The following ADAMTS17 variants were observed in gnomAD, a reference collection of about 807,000 sequenced individuals.
ADAMTS17 encodes the protein A disintegrin and metalloproteinase with thrombospondin motifs 17.
Under a neutral mutation model 141.5 loss-of-function variants are expected in ADAMTS17, and 113 were observed. That is an observed-to-expected ratio of 0.80 (90% CI 0.69 to 0.93). The LOEUF (loss-of-function observed/expected upper bound fraction) is 0.93. Among genes scored for constraint, ADAMTS17 ranks in the 40% least tolerant of loss-of-function variants. ADAMTS17 has a pLI of 0.00. For missense variants in ADAMTS17, 1,659 were observed against 1,517.9 expected (o/e 1.09, Z -1.54); for synonymous variants, 768 against 630.6 (o/e 1.22, Z -3.27).
intron 3 of ADAMTS17, among the ~76,000 whole-genome samples, chr15:100,282,060 T>A (rs973845253): frequency 1.3e-5 from 2 of 152,216 alleles, no homozygotes. Flanking sequence ...CCTATATCCC[T>A]GTAAAATCTT....
At chr15:100,021,692 A>G (rs2061409652) in intron 18 of ADAMTS17, among the ~76,000 whole-genome samples, 1 of 152,198 alleles carries the variant, frequency 6.6e-6, no homozygotes, top group Admixed American at 6.5e-5. Context: ...TCAGGAATAT[A>G]TGCAGAGAAA....
At chr15:100,033,657 A>T (rs1315476124) in intron 18 of ADAMTS17, among the ~76,000 whole-genome samples, 1 of 152,220 alleles carries the variant, frequency 6.6e-6, no homozygotes, top group Non-Finnish European at 1.5e-5. Context: ...GAGCTGAGAA[A>T]GACTGATAAG....
At chr15:100,045,202 C>G (rs1471443304) in intron 18 of ADAMTS17, among the ~76,000 whole-genome samples, 1 of 151,892 alleles carries the variant, frequency 6.6e-6, no homozygotes, top group African/African-American at 2.4e-5. Context: ...CAAATATAAT[C>G]ATTTGGGACG....
At chr15:100,117,782 C>A (rs2037231534) in intron 12 of ADAMTS17, among the ~76,000 whole-genome samples, 1 of 152,214 alleles carries the variant, frequency 6.6e-6, no homozygotes, top group South Asian at 2.1e-4. Context: ...CCATTCGTTT[C>A]CATGATGCCA....
chr15:100,217,043 T>C (rs968500803), intron 7 of ADAMTS17, among the ~76,000 whole-genome samples: 3 of 152,196 alleles, frequency 2.0e-5, no homozygotes, highest in Non-Finnish European at 4.4e-5. Context: ...GAAGAGTTGA[T>C]ATTAAATTTA....
intron 8 of ADAMTS17, among the ~76,000 whole-genome samples, chr15:100,195,865 T>C (rs2041096894): frequency 6.6e-6 from 1 of 152,230 alleles, no homozygotes; most frequent in Admixed American, 6.5e-5. Flanking sequence ...AATGGGCCTA[T>C]TGCAGCATGT....
At chr15:100,167,302 A>T (rs769719329) in intron 8 of ADAMTS17, among the ~76,000 whole-genome samples, 3 of 152,186 alleles carry the variant, frequency 2.0e-5, no homozygotes, top group Non-Finnish European at 4.4e-5. Context: ...GCTGGAGAAC[A>T]ATTAGTGGCC....
intron 18 of ADAMTS17, among the ~76,000 whole-genome samples, chr15:100,005,966 C>T (rs939098055): frequency 8.5e-5 from 13 of 152,076 alleles, no homozygotes; most frequent in African/African-American, 2.7e-4. Flanking sequence ...CCAGCCCCAG[C>T]CCCAGCCCCA....
intron 3 of ADAMTS17, among the ~76,000 whole-genome samples, chr15:100,318,998 C>T (rs1482046026): frequency 6.6e-6 from 1 of 152,266 alleles, no homozygotes; most frequent in Non-Finnish European, 1.5e-5. Flanking sequence ...ACAAGTAGAT[C>T]ATCCTGTGCT....
intron 10 of ADAMTS17, among the ~76,000 whole-genome samples, chr15:100,147,906 GTCAATA>G (rs1416221008): frequency 2.6e-4 from 39 of 152,362 alleles, no homozygotes; most frequent in Non-Finnish European, 5.1e-4. Context: ...AAGCCAAGGT[GTCAATA>G]GGGCTGGTTC....
intron 3 of ADAMTS17, among the ~76,000 whole-genome samples, chr15:100,303,826 G>A (rs993648187): frequency 2.0e-5 from 3 of 152,248 alleles, no homozygotes; most frequent in East Asian, 1.9e-4. Flanking sequence ...AGGTTCAAGC[G>A]ATTCTTCTGC....
chr15:100,051,601 C>T lies in ADAMTS17; in HGVS notation c.2426G>A (p.Trp809Ter). 1.9e-6 allele frequency: 3 copies of T among 1,614,046 alleles called. No homozygotes were observed. Among genetic ancestry groups the T allele is most frequent in the Non-Finnish European group, 1.7e-6 (2 of 1,179,974 alleles). ...DSLFIWTHSG[W>*]EGCSVQCGGG... The stretch of plus-strand genomic sequence containing the variant: ...GCCGCACTGCACACTGCACCCTTCC[C>T]AGCCGCTGTGGGTCCAGATGAACAA... The change falls in exon 17 of 22, where the codon TGG (tryptophan) becomes TAG (stop). Residue 809 changes from tryptophan (W) to a stop codon, truncating the protein, a stop_gained. Coordinates refer to ENST00000268070, the MANE Select transcript of ADAMTS17 (RefSeq NM_139057.4). LOFTEE classifies it high-confidence loss of function.
At chr15:100,050,451 G>A (rs754140299) in intron 17 of ADAMTS17, among the ~76,000 whole-genome samples, 1 of 152,182 alleles carries the variant, frequency 6.6e-6, no homozygotes, top group Non-Finnish European at 1.5e-5. Flanking sequence ...GGTGCAGAGT[G>A]GAGGATGCAG....
intron 18 of ADAMTS17, among the ~76,000 whole-genome samples, chr15:100,040,973 A>T (rs898060765): frequency 2.0e-5 from 3 of 152,232 alleles, no homozygotes; most frequent in African/African-American, 7.2e-5. Context: ...ACTAGCAAGA[A>T]ATTGATTAAA....
rs752421711 is a variant in ADAMTS17 at position 100,261,605 on chromosome 15, C to T, written c.905G>A (p.Arg302Gln). Reference sequence around the variant, plus strand: ...CCAGTGACAGAAGCTCTCCAGGGACCGCTCACCATGGTGCCCAATGGACAA... The same window carrying T: ...CCAGTGACAGAAGCTCTCCAGGGACTGCTCACCATGGTGCCCAATGGACAA... ...AKLSIGHHGE[R>Q]SLESFCHWQN... The change falls in exon 6 of 22, where the codon CGG becomes CAG. Residue 302 changes from arginine to glutamine, a missense_variant. Transcript: ENST00000268070. The T allele has an allele frequency of 1.7e-5, 28 of 1,613,908 alleles. No individual in the cohort carries two copies. Among genetic ancestry groups the T allele is most frequent in the East Asian group, 4.5e-5 (2 of 44,890 alleles).
rs149275874 is a variant in ADAMTS17, at chr15:100,256,998, G to A, written c.1032-2819C>T. On this transcript the variant is annotated intron_variant, in intron 6 of 21. Transcript: ENST00000268070. ...CTCCTGCTAGACATGTCATGCTCAC[G>A]TCCTCCATGGCAGCCACCTAGCCAC... The A allele has an allele frequency of 3.5e-3, 530 of 152,518 alleles. 7 individuals carry two copies. The highest frequency in any genetic ancestry group is 0.012 in the African/African-American group (515 of 41,564). 9.4% of individuals were successfully genotyped at this position (152,518 alleles called of 1,614,324 possible).
intron 8 of ADAMTS17, among the ~76,000 whole-genome samples, chr15:100,161,974 G>T (rs1225467876): frequency 6.6e-6 from 1 of 152,170 alleles, no homozygotes; most frequent in African/African-American, 2.4e-5. Context: ...TAGACTGGGG[G>T]TCGCCATAGA....
chr15:100,017,823 A>G (rs2061321380), intron 18 of ADAMTS17, among the ~76,000 whole-genome samples: 2 of 152,158 alleles, frequency 1.3e-5, no homozygotes, highest in Non-Finnish European at 2.9e-5. Flanking sequence ...ATCATCACAC[A>G]GACTTCCTAT....
At chr15:100,255,643 G>C (rs1412761362) in intron 6 of ADAMTS17, among the ~76,000 whole-genome samples, 1 of 26,730 alleles carries the variant, frequency 3.7e-5, no homozygotes, top group East Asian at 2.0e-3. Flanking sequence ...CACACACACA[G>C]CTGGCCCAGG....
Sources: gnomAD v4.1 joint callset for allele counts (sites outside exome capture counted in the v4.1 genomes callset) on GRCh38, gnomAD v4.1.1 for gene constraint, MANE v1.5 for transcripts, NCBI Gene and HGNC (gene_info 2026-07-23, HGNC 2026-07-21) for gene names.